The following C13orf42 variants were observed in gnomAD, a reference collection of about 807,000 sequenced individuals.
The protein encoded by C13orf42 is chromosome 13 open reading frame 42.
intron 1 of C13orf42, among the ~76,000 whole-genome samples, chr13:51,163,696 C>T (rs1256702788): frequency 2.6e-5 from 4 of 152,116 alleles, no homozygotes; most frequent in Non-Finnish European, 5.9e-5. Flanking sequence ...AGGAGTGAAT[C>T]TCCAGGCTGG....
At chr13:51,107,639 T>A (rs540066194) in intron 1 of C13orf42, among the ~76,000 whole-genome samples, 1 of 152,216 alleles carries the variant, frequency 6.6e-6, no homozygotes, top group African/African-American at 2.4e-5. Context: ...CCTCCCTATA[T>A]GGAGGCCGGC....
intron 1 of C13orf42, among the ~76,000 whole-genome samples, chr13:51,132,799 C>T (rs1449804599): frequency 1.3e-5 from 2 of 152,052 alleles, no homozygotes; most frequent in African/African-American, 4.8e-5. Flanking sequence ...GAGGTTAAGG[C>T]ATTTTAAGTC....
intron 1 of C13orf42, among the ~76,000 whole-genome samples, chr13:51,091,475 G>C (rs1162607546): frequency 3.3e-5 from 5 of 151,928 alleles, no homozygotes; most frequent in African/African-American, 1.2e-4. Flanking sequence ...CTCCTACTTA[G>C]CCCTGCCTGC....
At chr13:51,112,934 T>C (rs1295715749), upstream of C13orf42, among the ~76,000 whole-genome samples, 3 of 152,200 alleles carry the variant, frequency 2.0e-5, no homozygotes, top group Non-Finnish European at 4.4e-5. Flanking sequence ...CCTTGACTCA[T>C]GCATAATATC....
upstream of C13orf42, among the ~76,000 whole-genome samples, chr13:51,116,157 G>A (rs900104307): frequency 1.3e-5 from 2 of 152,160 alleles, no homozygotes; most frequent in African/African-American, 4.8e-5. Context: ...GTACACAAAG[G>A]GCTGGTGGCG....
intron 1 of C13orf42, among the ~76,000 whole-genome samples, chr13:51,153,641 T>C (rs546859256): frequency 5.9e-4 from 80 of 134,554 alleles, no homozygotes; most frequent in Admixed American, 1.4e-3. Flanking sequence ...TTTTTTTTTT[T>C]TTTTTTTTTT....
intron 1 of C13orf42, among the ~76,000 whole-genome samples, chr13:51,127,956 A>G (rs767809262): frequency 6.6e-6 from 1 of 152,200 alleles, no homozygotes; most frequent in Non-Finnish European, 1.5e-5. Flanking sequence ...TACAGGTCAT[A>G]AAGACCTTGC....
chr13:51,098,780 C>T, intron 1 of C13orf42, among the ~76,000 whole-genome samples: 1 of 151,844 alleles, frequency 6.6e-6, no homozygotes, highest in East Asian at 1.9e-4. Context: ...AAGCTATGGG[C>T]TGCATTAGGG....
At chr13:51,111,794 A>C (rs1161019595), upstream of C13orf42, among the ~76,000 whole-genome samples, 2 of 152,064 alleles carry the variant, frequency 1.3e-5, no homozygotes, top group Admixed American at 6.5e-5. Flanking sequence ...CAGGGTGGAC[A>C]CACCAGGGCG....
intron 1 of C13orf42, among the ~76,000 whole-genome samples, chr13:51,100,874 C>T (rs1036287088): frequency 2.0e-5 from 3 of 152,080 alleles, no homozygotes; most frequent in Non-Finnish European, 4.4e-5. Flanking sequence ...TTATTTATAA[C>T]GTTTAGCAAT....
rs2408294 is a variant in C13orf42, at chr13:51,145,547, G to T, written n.136+26706C>A. Among the ~76,000 whole-genome samples the T allele has an allele frequency of 4.0e-5, 6 of 151,652 alleles. No homozygotes were observed. The East Asian group carries it at 7.7e-4, about 20-fold the overall frequency. On this transcript the variant is annotated intron_variant and non_coding_transcript_variant, in intron 1 of 4. Coordinates refer to the C13orf42 transcript ENST00000433280. The stretch of plus-strand genomic sequence containing the variant: ...TCTCCAAAAGATTTTTTTAAAAAAG[G>T]GGGGAAATGTTAAAGGAGAATATCT...
intron 1 of C13orf42, among the ~76,000 whole-genome samples, chr13:51,120,323 T>C (rs1392650294): frequency 1.3e-5 from 2 of 152,146 alleles, no homozygotes; most frequent in African/African-American, 4.8e-5. Flanking sequence ...GCCTCCTATA[T>C]CTATTGTGTG....
intron 1 of C13orf42, among the ~76,000 whole-genome samples, chr13:51,165,318 T>C (rs1330302548): frequency 1.3e-5 from 2 of 152,232 alleles, no homozygotes; most frequent in Non-Finnish European, 2.9e-5. Flanking sequence ...CTTCAGGCTC[T>C]CCACTGTTTC....
intron 1 of C13orf42, among the ~76,000 whole-genome samples, chr13:51,128,582 T>TA (rs1953592807): frequency 6.6e-6 from 1 of 152,210 alleles, no homozygotes; most frequent in South Asian, 2.1e-4. Flanking sequence ...AACTTGGGTT[T>TA]GAGACTCAGC....
At chr13:51,145,326 A>ATT (rs60447395) in intron 1 of C13orf42, among the ~76,000 whole-genome samples, 1 of 151,434 alleles carries the variant, frequency 6.6e-6, no homozygotes, top group African/African-American at 2.4e-5. Flanking sequence ...GTCTATATCG[A>ATT]TTTTTTTTTC....
chr13:51,122,567 AAAAG>A lies in C13orf42; in HGVS notation n.137-9349_137-9346del, dbSNP rs201165248. 3.5e-3 allele frequency among the ~76,000 whole-genome samples: 531 copies of A among 152,010 alleles called. 4 individuals carry two copies. Among genetic ancestry groups the A allele is most frequent in the African/African-American group, 0.011 (469 of 41,480 alleles). ...AAAAAAAAAAAGAAAGAAAAAAAGG[AAAAG>A]AAAGAAAGAGAAAAGAAAGCACTTA... On this transcript the variant is annotated intron_variant and non_coding_transcript_variant, in intron 1 of 4. Transcript: ENST00000433280.
chr13:51,087,141 C>A (rs1012966351), intron 2 of C13orf42, among the ~76,000 whole-genome samples: 1 of 152,308 alleles, frequency 6.6e-6, no homozygotes, highest in South Asian at 2.1e-4. Context: ...GTCTGACAGT[C>A]GCATGATGGA....
At chr13:51,116,742 T>C (rs1185810958) in intron 1 of C13orf42, among the ~76,000 whole-genome samples, 1 of 152,288 alleles carries the variant, frequency 6.6e-6, no homozygotes, top group Non-Finnish European at 1.5e-5. Context: ...ATGATCATTA[T>C]ATTTGCTCAC....
At chr13:51,124,448 A>G (rs1276836070) in intron 1 of C13orf42, among the ~76,000 whole-genome samples, 1 of 152,154 alleles carries the variant, frequency 6.6e-6, no homozygotes, top group African/African-American at 2.4e-5. Flanking sequence ...GAGGAGGTAA[A>G]TGTAGGAATT....
Sources: gnomAD v4.1 joint callset for allele counts (sites outside exome capture counted in the v4.1 genomes callset) on GRCh38, gnomAD v4.1.1 for gene constraint, MANE v1.5 for transcripts, NCBI Gene and HGNC (gene_info 2026-07-23, HGNC 2026-07-21) for gene names.